The following SOX6 variants were observed in gnomAD, a reference collection of about 807,000 sequenced individuals.
SOX6 encodes the protein transcription factor SOX-6.
In SOX6, 11 loss-of-function variants were observed where a neutral mutation model predicts 97.8. That is an observed-to-expected ratio of 0.11 (90% CI 0.07 to 0.19). The LOEUF (loss-of-function observed/expected upper bound fraction) is 0.19, where lower values mean the gene tolerates loss of function less well. Among genes scored for constraint, SOX6 ranks in the 10% least tolerant of loss-of-function variants. The pLI, the probability that SOX6 is intolerant of heterozygous loss-of-function variation, is 1.00. For missense variants in SOX6, 810 were observed against 1,039.5 expected, an observed-to-expected ratio of 0.78 and a Z score of 3.04; for synonymous variants, 360 against 371.4, an observed-to-expected ratio of 0.97 and a Z score of 0.35.
At chr11:16,506,974 G>A (rs1160904857) in intron 4 of SOX6, among the ~76,000 whole-genome samples, 1 of 144,028 alleles carries the variant, frequency 6.9e-6, no homozygotes, top group Non-Finnish European at 1.5e-5. Flanking sequence ...TGGGGCATGA[G>A]AATCACTTGA....
intron 1 of SOX6, among the ~76,000 whole-genome samples, chr11:16,373,824 GAAGGAAGGAAGGAAGGAAGGAAGGA>G: frequency 8.2e-5 from 1 of 12,230 alleles, no homozygotes; most frequent in East Asian, 6.3e-3. Context: ...AGGGAGAGAG[GAAGGAAGGAAGGAAGGAAGGAAGGA>G]AGGAAGGAAG....
At chr11:16,224,075 A>G (rs796410984) in intron 4 of SOX6, among the ~76,000 whole-genome samples, 1 of 152,026 alleles carries the variant, frequency 6.6e-6, no homozygotes, top group Non-Finnish European at 1.5e-5. Context: ...TAGCCTTTTA[A>G]AAACAAAATC....
At chr11:16,280,690 A>T (rs969220506) in intron 3 of SOX6, among the ~76,000 whole-genome samples, 1 of 152,134 alleles carries the variant, frequency 6.6e-6, no homozygotes, top group African/African-American at 2.4e-5. Context: ...CTTTCTCACC[A>T]AATGACTAAT....
intron 3 of SOX6, chr11:16,315,457 C>T (rs1855732238): frequency 6.6e-6 from 1 of 151,870 alleles, no homozygotes; most frequent in Admixed American, 6.6e-5. Context: ...AAAGATATAC[C>T]ATAAACTGTA....
At chr11:16,179,584 G>C (rs1851292839) in intron 6 of SOX6, among the ~76,000 whole-genome samples, 1 of 151,944 alleles carries the variant, frequency 6.6e-6, no homozygotes, top group Non-Finnish European at 1.5e-5. Context: ...TACAAATAAA[G>C]TTTGCCATCT....
intron 9 of SOX6, among the ~76,000 whole-genome samples, chr11:16,062,063 C>T (rs1442772266): frequency 2.0e-5 from 3 of 151,662 alleles, no homozygotes; most frequent in Non-Finnish European, 3.0e-5. Flanking sequence ...AACTAAAAAG[C>T]TTCTGCACAG....
intron 3 of SOX6, among the ~76,000 whole-genome samples, chr11:16,693,652 T>C (rs1241664369): frequency 6.6e-6 from 1 of 152,154 alleles, no homozygotes; most frequent in Non-Finnish European, 1.5e-5. Flanking sequence ...TTGTCACAAT[T>C]TTCAACATAA....
intron 3 of SOX6, among the ~76,000 whole-genome samples, chr11:16,619,897 T>G (rs1848520054): frequency 6.6e-6 from 1 of 152,126 alleles, no homozygotes; most frequent in African/African-American, 2.4e-5. Context: ...CACTGTTAAG[T>G]TTCAACTATC....
chr11:16,386,058 C>T (rs760335517), intron 1 of SOX6, among the ~76,000 whole-genome samples: 2 of 152,122 alleles, frequency 1.3e-5, no homozygotes, highest in Non-Finnish European at 2.9e-5. Context: ...AGCCTTATTT[C>T]AAAGCTGTCT....
intron 3 of SOX6, among the ~76,000 whole-genome samples, chr11:16,692,787 T>G (rs944402591): frequency 1.3e-5 from 2 of 152,258 alleles, no homozygotes; most frequent in African/African-American, 2.4e-5. Flanking sequence ...TATAAAGTTT[T>G]GTATCCTACT....
At chr11:16,376,088 T>C (rs1857635930) in intron 1 of SOX6, among the ~76,000 whole-genome samples, 1 of 152,010 alleles carries the variant, frequency 6.6e-6, no homozygotes, top group African/African-American at 2.4e-5. Context: ...AATGACAGGT[T>C]GATGGGTGCA....
chr11:16,182,934 T>G (rs1457186484), intron 6 of SOX6, among the ~76,000 whole-genome samples: 4 of 151,824 alleles, frequency 2.6e-5, no homozygotes, highest in Non-Finnish European at 1.5e-5. Context: ...AAGGGCATGA[T>G]ATTAACCTCA....
intron 4 of SOX6, among the ~76,000 whole-genome samples, chr11:16,581,960 C>CAAAAAAAAA (rs35137027): frequency 9.4e-6 from 1 of 106,498 alleles, no homozygotes. Context: ...GACTCCATCT[C>CAAAAAAAAA]AAAAAAAAAA....
intron 4 of SOX6, among the ~76,000 whole-genome samples, chr11:16,592,218 G>A (rs1262630216): frequency 1.3e-5 from 2 of 150,826 alleles, no homozygotes; most frequent in Admixed American, 6.6e-5. Flanking sequence ...AAGTTCTCCC[G>A]AACAAACCTT....
intron 15 of SOX6, among the ~76,000 whole-genome samples, chr11:15,979,369 T>C (rs1853596850): frequency 1.3e-5 from 2 of 151,982 alleles, no homozygotes; most frequent in African/African-American, 4.8e-5. Context: ...CCAATCTGGT[T>C]TATTGTAAGA....
At chr11:16,569,868 C>CAAAAAAGAAAAAAAAAAAAAAA in intron 4 of SOX6, among the ~76,000 whole-genome samples, 1 of 84,816 alleles carries the variant, frequency 1.2e-5, no homozygotes, top group Non-Finnish European at 2.1e-5. Context: ...GACTCCGTCT[C>CAAAAAAGAAAAAAAAAAAAAAA]AAAAAAAAAA....
intron 1 of SOX6, among the ~76,000 whole-genome samples, chr11:16,392,697 A>G (rs914068253): frequency 2.0e-5 from 3 of 152,250 alleles, no homozygotes; most frequent in African/African-American, 7.2e-5. Context: ...TTGGGGATAC[A>G]TGGTGAAGTC....
intron 6 of SOX6, among the ~76,000 whole-genome samples, chr11:16,116,744 G>A (rs545914363): frequency 9.2e-5 from 14 of 152,270 alleles, no homozygotes; most frequent in Non-Finnish European, 1.8e-4. Flanking sequence ...TTAGGAACTG[G>A]ACCACATAGC....
chr11:16,595,233 C>A (rs1447944615), intron 4 of SOX6, among the ~76,000 whole-genome samples: 1 of 151,776 alleles, frequency 6.6e-6, no homozygotes, highest in Non-Finnish European at 1.5e-5. Context: ...TCCAGGATGC[C>A]AAAGCGGTGG....
Sources: gnomAD v4.1 joint callset for allele counts (sites outside exome capture counted in the v4.1 genomes callset) on GRCh38, gnomAD v4.1.1 for gene constraint, MANE v1.5 for transcripts, NCBI Gene and HGNC (gene_info 2026-07-23, HGNC 2026-07-21) for gene names.